The following SVIL variants were observed in gnomAD, a reference collection of about 807,000 sequenced individuals.
SVIL encodes the protein archvillin.
In SVIL, 101 loss-of-function variants were observed where a neutral mutation model predicts 240.4. That is an observed-to-expected ratio of 0.42 (90% CI 0.36 to 0.50). SVIL has a LOEUF of 0.50. Among genes scored for constraint, SVIL ranks in the 20% least tolerant of loss-of-function variants. The pLI is 0.01. For missense variants in SVIL, 2,512 were observed against 2,818.7 expected (o/e 0.89, Z 2.46); for synonymous variants, 999 against 1,100.0 (o/e 0.91, Z 1.82).
upstream of SVIL, chr10:29,735,809 T>A (rs1283206913): frequency 6.6e-6 from 1 of 151,104 alleles, no homozygotes; most frequent in Non-Finnish European, 1.5e-5. The surrounding 1 kb of genome is among the most constrained non-coding windows in gnomAD (Gnocchi z 4.1). Context: ...CGACAGCGGC[T>A]CGGCGGCCCC....
At chr10:29,576,488 CTA>C (rs1312346973) in intron 1 of SVIL, among the ~76,000 whole-genome samples, 1 of 152,128 alleles carries the variant, frequency 6.6e-6, no homozygotes, top group East Asian at 1.9e-4. Flanking sequence ...AACATAAAGA[CTA>C]TGGCATTATG....
At chr10:29,651,282 G>C (rs1156848228) in intron 3 of SVIL, among the ~76,000 whole-genome samples, 1 of 152,120 alleles carries the variant, frequency 6.6e-6, no homozygotes, top group Non-Finnish European at 1.5e-5. Flanking sequence ...AGATCCAAGA[G>C]CAATTTTTCA....
At chr10:29,573,066 C>CATTT (rs2132733535) in intron 1 of SVIL, among the ~76,000 whole-genome samples, 2 of 150,588 alleles carry the variant, frequency 1.3e-5, no homozygotes, top group East Asian at 3.9e-4. Flanking sequence ...TTTTTTTCAA[C>CATTT]ATTTATTTTA....
chr10:29,557,287 G>A (rs1158957372), intron 3 of SVIL, among the ~76,000 whole-genome samples: 2 of 74,180 alleles, frequency 2.7e-5, no homozygotes, highest in Non-Finnish European at 5.4e-5. Flanking sequence ...TTGTGGAGAC[G>A]GGGTTTCGCT....
intron 1 of SVIL, among the ~76,000 whole-genome samples, chr10:29,585,571 C>T (rs1009176724): frequency 6.6e-6 from 1 of 152,142 alleles, no homozygotes; most frequent in Non-Finnish European, 1.5e-5. Flanking sequence ...GAAAAGAAGA[C>T]AACGAGGACA....
rs190043263 is a variant in SVIL at position 29,488,948 on chromosome 10, T to C, written c.4193-192A>G. 1.5e-3 allele frequency among the ~76,000 whole-genome samples: 228 copies of C among 152,372 alleles called. 3 individuals carry two copies. The highest frequency in any genetic ancestry group is 4.8e-3 in the Admixed American group (74 of 15,314). Reference sequence around the variant, plus strand: ...ACTGTGTTAAGAATTAAGTACAGCATTGAAAATATAAACTGCTTGTTGACA... The same window carrying C: ...ACTGTGTTAAGAATTAAGTACAGCACTGAAAATATAAACTGCTTGTTGACA... On this transcript the variant is annotated intron_variant, in intron 22 of 37. Transcript: ENST00000355867.
chr10:29,730,669 G>T (rs958289154), intron 1 of SVIL, among the ~76,000 whole-genome samples: 1 of 152,160 alleles, frequency 6.6e-6, no homozygotes, highest in Non-Finnish European at 1.5e-5. Context: ...AGAATTGTGG[G>T]TGCAACTCAG....
intron 3 of SVIL, among the ~76,000 whole-genome samples, chr10:29,640,553 C>T (rs760996562): frequency 5.3e-5 from 8 of 152,158 alleles, no homozygotes; most frequent in South Asian, 2.1e-4. Flanking sequence ...GAGCATCTCA[C>T]GGGAACATGG....
At chr10:29,621,469 C>T (rs1048133581) in intron 1 of SVIL, among the ~76,000 whole-genome samples, 5 of 152,364 alleles carry the variant, frequency 3.3e-5, no homozygotes, top group South Asian at 2.1e-4. Context: ...GGGGCTACCC[C>T]GCAGCGGGCC....
chr10:29,720,672 C>T (rs537833698), intron 1 of SVIL, among the ~76,000 whole-genome samples: 4 of 152,170 alleles, frequency 2.6e-5, no homozygotes, highest in Non-Finnish European at 4.4e-5. Flanking sequence ...AGAGAAGTGA[C>T]TTCTCAAACA....
At chr10:29,732,369 A>G (rs1964671782) in intron 1 of SVIL, among the ~76,000 whole-genome samples, 1 of 152,194 alleles carries the variant, frequency 6.6e-6, no homozygotes, top group East Asian at 1.9e-4. Flanking sequence ...GATCAGATGT[A>G]TTATAAGAAA....
chr10:29,560,430 G>C (rs1048016178), intron 3 of SVIL, among the ~76,000 whole-genome samples: 2 of 152,060 alleles, frequency 1.3e-5, no homozygotes, highest in Non-Finnish European at 2.9e-5. Context: ...TAATACGTTT[G>C]GTCCACTTCA....
intron 1 of SVIL, among the ~76,000 whole-genome samples, chr10:29,730,577 A>G (rs1964561215): frequency 6.6e-6 from 1 of 152,184 alleles, no homozygotes; most frequent in Non-Finnish European, 1.5e-5. Flanking sequence ...AAGACTGTAA[A>G]CATCTGTTAT....
chr10:29,482,021 CTTTTTTT>C, intron 27 of SVIL, among the ~76,000 whole-genome samples: 1 of 113,460 alleles, frequency 8.8e-6, no homozygotes, highest in African/African-American at 3.0e-5. Flanking sequence ...CTTTTCTTTT[CTTTTTTT>C]TTTTTTTTTT....
At chr10:29,719,625 A>C (rs1416114548) in intron 1 of SVIL, among the ~76,000 whole-genome samples, 1 of 152,254 alleles carries the variant, frequency 6.6e-6, no homozygotes, top group East Asian at 1.9e-4. Flanking sequence ...AGAGATATGA[A>C]TATATAAAAA....
chr10:29,550,299 G>A (rs1266791763), intron 6 of SVIL, among the ~76,000 whole-genome samples: 3 of 151,788 alleles, frequency 2.0e-5, no homozygotes, highest in Non-Finnish European at 4.4e-5. Context: ...AAAATTAGCC[G>A]GGCGTGGTGG....
chr10:29,587,721 G>T (rs1007163445), intron 1 of SVIL, among the ~76,000 whole-genome samples: 1 of 152,142 alleles, frequency 6.6e-6, no homozygotes, highest in Non-Finnish European at 1.5e-5. Context: ...AACTTAGGTG[G>T]CATATATTCA....
chr10:29,723,387 T>A (rs1168148588), intron 1 of SVIL, among the ~76,000 whole-genome samples: 1 of 152,118 alleles, frequency 6.6e-6, no homozygotes, highest in Non-Finnish European at 1.5e-5. Context: ...CTCAAAAACA[T>A]AAAAAATAAA....
intron 2 of SVIL, 80 bp from the exon 3 acceptor site, chr10:29,563,372 T>C (rs1954684313): frequency 5.3e-6 from 3 of 561,350 alleles, no homozygotes; most frequent in Non-Finnish European, 6.8e-6. Flanking sequence ...ACAAAAATTA[T>C]GATATTGTTA....
Sources: allele counts gnomAD v4.1 joint callset (sites outside exome capture counted in the v4.1 genomes callset), GRCh38; gene constraint gnomAD v4.1.1; non-coding constraint Gnocchi (gnomAD v3.1); transcripts MANE v1.5; gene names NCBI Gene and HGNC (gene_info 2026-07-23, HGNC 2026-07-21).